The following TERT variants were observed in gnomAD, a reference collection of about 807,000 sequenced individuals.
TERT encodes the protein telomerase reverse transcriptase, also known as telomerase catalytic subunit.
A neutral mutation model predicts 104.0 loss-of-function variants in TERT; 42 were observed. The ratio of observed to expected loss-of-function variants is 0.40; its 90% CI spans 0.32 to 0.52. The LOEUF is 0.52. TERT is among the 20% of genes least tolerant of loss of function. The probability of loss-of-function intolerance (pLI) is 0.43; values close to 1 mark genes in which losing one functional copy is unlikely to be tolerated. For missense variants in TERT, 1,101 were observed against 1,610.3 expected, an observed-to-expected ratio of 0.68 and a Z score of 5.41; for synonymous variants, 781 against 725.6, an observed-to-expected ratio of 1.08 and a Z score of -1.23.
At position 1,294,685 on chromosome 5, in the gene TERT, G is replaced by C; in HGVS notation, c.220-19C>G. On this transcript the variant is annotated intron_variant, in intron 1 of 15. Transcript: ENST00000310581. ...AGGACACCTGCGGGGGAAGCGCCCT[G>C]AGTCGCCTGCGCTGCTCTCCGCATG... 2 of 1,589,534 alleles carry C rather than the reference G, an allele frequency of 1.3e-6. No individual in the cohort carries two copies. The highest frequency in any genetic ancestry group is 8.5e-7 in the Non-Finnish European group (1 of 1,176,236).
In TERT at chr5:1,280,244, G is replaced by A. The variant is rs1579577192; in HGVS notation, c.1864C>T (p.Arg622Cys). 3.1e-6 allele frequency: 5 copies of A among 1,613,888 alleles called. No homozygotes were observed. Among genetic ancestry groups the A allele is most frequent in the Non-Finnish European group, 4.2e-6 (5 of 1,180,038 alleles). Residue 622 changes from arginine (R) to cysteine (C), a missense_variant, in exon 4 of 16, where the codon CGC (arginine) becomes TGC (cysteine). Around this residue, in one of 5 missense-constraint regions of TERT, gnomAD observed 463 missense variants for 797.5 expected, o/e 0.58. Coordinates refer to ENST00000310581, the MANE Select transcript of TERT (RefSeq NM_198253.3). ...ARPALLTSRL[R>C]FIPKPDGLRP... The stretch of plus-strand genomic sequence containing the variant: ...AGCCCGTCAGGCTTGGGGATGAAGC[G>A]GAGTCTGGACGTCAGCAGGGCGGGC...
rs1362391924 is a variant in TERT, at chr5:1,263,688, G to T, written c.2843+716C>A. The stretch of plus-strand genomic sequence containing the variant: ...CCCAAAGTGCTGGGATTATAGGTGT[G>T]AGCCACCTTGCCCTGCCTGGAATGT... On this transcript the variant is annotated intron_variant, in intron 11 of 15. Transcript: ENST00000310581. The surrounding 1 kb of genome is among the most constrained non-coding windows in gnomAD (Gnocchi z 5.3). 6.6e-6 allele frequency among the ~76,000 whole-genome samples: 1 copy of T among 152,224 alleles called. No individual in the cohort carries two copies. The highest frequency in any genetic ancestry group is 1.5e-5 in the Non-Finnish European group (1 of 68,032).
Position 1,293,303 on chromosome 5 carries a change from ACCT to A in TERT, c.1573+7_1573+9del. 6.2e-7 allele frequency: 1 copy of A among 1,612,254 alleles called. No homozygotes were observed. The highest frequency in any genetic ancestry group is 1.1e-5 in the South Asian group (1 of 90,904). ...GGGGCCTGGGCCCTCGACGGCCACC[ACCT>A]CCTCACCTGGGCTCCTGCGCAGCCA... On this transcript the variant is annotated splice_region_variant and intron_variant, in intron 2 of 15. Transcript: ENST00000310581.
intron 15 of TERT, among the ~76,000 whole-genome samples, 178 bp from the exon 16 acceptor site, chr5:1,254,009 G>C (rs538611607): frequency 4.7e-4 from 71 of 152,340 alleles, no homozygotes; most frequent in Middle Eastern, 3.4e-3. Context: ...GCAGCCCAGT[G>C]ACGCTGGAGC....
At chr5:1,267,552 C>G (rs369917824) in intron 9 of TERT, among the ~76,000 whole-genome samples, 1 of 152,220 alleles carries the variant, frequency 6.6e-6, no homozygotes, top group Non-Finnish European at 1.5e-5. Context: ...TATTGCGGCA[C>G]TATTCACAGT....
At chr5:1,271,291 T>C (rs1749016165) in intron 7 of TERT, 87 bp from the exon 8 acceptor site, 1 of 936,148 alleles carries the variant, frequency 1.1e-6, no homozygotes, top group Non-Finnish European at 1.7e-6. Flanking sequence ...TCCGTCCCTT[T>C]TGGGGTCAGT....
At chr5:1,277,563 A>C (rs1190770063) in intron 6 of TERT, among the ~76,000 whole-genome samples, 1 of 110,096 alleles carries the variant, frequency 9.1e-6, no homozygotes, top group Non-Finnish European at 1.8e-5. Flanking sequence ...GGTCGGAACG[A>C]GGGTCACGGT....
rs1749784037 is a variant in TERT, at chr5:1,278,674, G to A, written c.2253C>T (p.Ala751=). 1.2e-6 allele frequency: 2 copies of A among 1,614,152 alleles called. No homozygotes were observed. Among genetic ancestry groups the A allele is most frequent in the Non-Finnish European group, 1.7e-6 (2 of 1,180,044 alleles). ...VRRYAVVQKA[A]HGHVRKAFKS... Reference sequence around the variant, plus strand: ...TGAAGGCCTTGCGGACGTGCCCATGGGCGGCCTTCTGGACCACGGCATACC... The same window carrying A: ...TGAAGGCCTTGCGGACGTGCCCATGAGCGGCCTTCTGGACCACGGCATACC... The change falls in exon 6 of 16, where the codon GCC becomes GCT. Residue 751 remains alanine, a synonymous_variant. Transcript: ENST00000310581.
chr5:1,288,340 C>A lies in TERT; in HGVS notation c.1573+4973G>T, dbSNP rs1750616479. On this transcript the variant is annotated intron_variant, in intron 2 of 15. Coordinates refer to ENST00000310581, the MANE Select transcript of TERT (RefSeq NM_198253.3). This position sits in a 1 kb window ranked among gnomAD's most constrained non-coding sequence, Gnocchi z 5.3. Reference sequence around the variant, plus strand: ...GCTAGAAAAGGAATGAAAGAATAAACCAAGAAAAAGCATACAATGGAGAGA... The same window carrying A: ...GCTAGAAAAGGAATGAAAGAATAAAACAAGAAAAAGCATACAATGGAGAGA... Among the ~76,000 whole-genome samples, 1 of 152,090 alleles carries A rather than the reference C, an allele frequency of 6.6e-6. No individual in the cohort carries two copies. Among genetic ancestry groups the A allele is most frequent in the Non-Finnish European group, 1.5e-5 (1 of 68,022 alleles).
intron 2 of TERT, among the ~76,000 whole-genome samples, chr5:1,291,893 C>T (rs1467584071): frequency 4.6e-5 from 7 of 152,218 alleles, no homozygotes; most frequent in Non-Finnish European, 8.8e-5. Flanking sequence ...GAAGCTGGAG[C>T]ACAAAAAGCA....
At position 1,288,192 on chromosome 5, in the gene TERT, G is replaced by C. The variant is rs958430791; in HGVS notation, c.1573+5121C>G. ...CACAGAATAAGAATACTTAAAAGAA[G>C]TATTAACACTTTGAAGTATTTTAAG... On this transcript the variant is annotated intron_variant, in intron 2 of 15. Transcript: ENST00000310581. The surrounding 1 kb of genome is among the most constrained non-coding windows in gnomAD (Gnocchi z 5.3). 2.0e-5 allele frequency among the ~76,000 whole-genome samples: 3 copies of C among 152,064 alleles called. No homozygotes were observed. The highest frequency in any genetic ancestry group is 7.2e-5 in the African/African-American group (3 of 41,386).
In TERT at chr5:1,294,167, C is replaced by A. The variant is rs751231538; in HGVS notation, c.719G>T (p.Arg240Leu). Reference sequence around the variant, plus strand: ...CCGCTCCGGCTCAGGGGCAGCGCCACGCCTGGGCCTCTTGGGCAACGGCAG... The same window carrying A: ...CCGCTCCGGCTCAGGGGCAGCGCCAAGCCTGGGCCTCTTGGGCAACGGCAG... The part of the protein sequence containing the change: ...RSLPLPKRPR[R>L]GAAPEPERTP... The change falls in exon 2 of 16, where the codon CGT becomes CTT. Residue 240 changes from arginine (R) to leucine (L), a missense_variant. This residue lies in a region of TERT where 504 missense variants were observed against 544.6 expected (regional missense o/e 0.93). Coordinates refer to ENST00000310581, the MANE Select transcript of TERT (RefSeq NM_198253.3). The A allele has an allele frequency of 1.9e-6, 3 of 1,581,460 alleles. No homozygotes were observed. The highest frequency in any genetic ancestry group is 2.6e-6 in the Non-Finnish European group (3 of 1,167,170).
In TERT at chr5:1,287,684, G is replaced by A. The variant is rs62332584; in HGVS notation, c.1574-5060C>T. On this transcript the variant is annotated intron_variant, in intron 2 of 15. Coordinates refer to ENST00000310581, the MANE Select transcript of TERT (RefSeq NM_198253.3). The surrounding 1 kb of genome is among the most constrained non-coding windows in gnomAD (Gnocchi z 4.3). The stretch of plus-strand genomic sequence containing the variant: ...ATCAGGAAGATAAAAATTCTACCAC[G>A]TGCATGCACCTAACAATGCCTCACA... Among the ~76,000 whole-genome samples, 3 of 151,842 alleles carry A rather than the reference G, an allele frequency of 2.0e-5. No homozygotes were observed. Among genetic ancestry groups the A allele is most frequent in the Admixed American group, 6.6e-5 (1 of 15,236 alleles).
At position 1,279,348 on chromosome 5, in the gene TERT, G is replaced by A. The variant is rs1205368239; in HGVS notation, c.2073C>T (p.Arg691=). Residue 691 remains arginine (R), a synonymous_variant, in exon 5 of 16, where the codon CGC becomes CGT. Coordinates refer to ENST00000310581, the MANE Select transcript of TERT (RefSeq NM_198253.3). ...GGGCCCGCACACGCAGCACGAAGGT[G>A]CGCCAGGCCCTGTGGATATCGTCCA... ...LGLDDIHRAW[R]TFVLRVRAQD... is the part of the protein sequence containing the mutation. 2 of 1,582,494 alleles carry A rather than the reference G, an allele frequency of 1.3e-6. No homozygotes were observed. The highest frequency in any genetic ancestry group is 1.3e-5 in the African/African-American group (1 of 74,214).
chr5:1,278,706 C>G lies in TERT; in HGVS notation c.2221G>C (p.Val741Leu). The change falls in exon 6 of 16, where the codon GTG becomes CTG. Residue 741 changes from valine (V) to leucine (L), a missense_variant. Physicochemically the swap from Val to Leu is conservative, Grantham distance 32 (BLOSUM62 1). Around this residue, in one of 5 missense-constraint regions of TERT, gnomAD observed 463 missense variants for 797.5 expected, o/e 0.58. Coordinates refer to ENST00000310581, the MANE Select transcript of TERT (RefSeq NM_198253.3). ...SIIKPQNTYC[V>L]RRYAVVQKAA... ...TTCTGGACCACGGCATACCGACGCA[C>G]GCAGTACGTGTTCTGGGGTTTGATG... 2 of 1,614,184 alleles carry G rather than the reference C, an allele frequency of 1.2e-6. No individual in the cohort carries two copies. The highest frequency in any genetic ancestry group is 1.7e-6 in the Non-Finnish European group (2 of 1,180,052).
chr5:1,291,578 G>A (rs71575555), intron 2 of TERT, among the ~76,000 whole-genome samples: 490 of 9,320 alleles, frequency 0.053, 15 homozygotes, highest in East Asian at 0.082. Flanking sequence ...CACTCACCCT[G>A]CACGTGACAG....
intron 6 of TERT, among the ~76,000 whole-genome samples, chr5:1,272,554 C>T (rs1317386033): frequency 5.0e-5 from 6 of 120,186 alleles, no homozygotes; most frequent in South Asian, 5.8e-4. Flanking sequence ...TCAGACCCCA[C>T]GACCGCCATC....
At chr5:1,258,324 T>C (rs567841053) in intron 13 of TERT, among the ~76,000 whole-genome samples, 1 of 152,358 alleles carries the variant, frequency 6.6e-6, no homozygotes, top group Admixed American at 6.5e-5. Flanking sequence ...CCTGCTGCCC[T>C]GGGATGGCCT....
rs2126614626 is a variant in TERT, at chr5:1,271,190, A to G, written c.2397T>C (p.Asn799=). ...CGTCGAAGAGGCCACTGCTGGCCTCATTCAGGGAGGAGCTCTGCGAAAGCA... is the reference window on the plus strand; with the variant it reads ...CGTCGAAGAGGCCACTGCTGGCCTCGTTCAGGGAGGAGCTCTGCGAAAGCA... ...AVVIEQSSSL[N]EASSGLFDVF... is the part of the protein sequence containing the mutation. Residue 799 remains asparagine (N), a synonymous_variant, in exon 8 of 16, where the codon AAT becomes AAC. Transcript: ENST00000310581. 6.2e-7 allele frequency: 1 copy of G among 1,612,858 alleles called. No individual in the cohort carries two copies. The highest frequency in any genetic ancestry group is 1.1e-5 in the South Asian group (1 of 91,070).
Sources: gnomAD v4.1 joint callset for allele counts (sites outside exome capture counted in the v4.1 genomes callset) on GRCh38, gnomAD v4.1.1 for gene constraint, gnomAD v4.1.1 regional missense constraint, Gnocchi (gnomAD v3.1) non-coding constraint, MANE v1.5 for transcripts, NCBI Gene and HGNC (gene_info 2026-07-23, HGNC 2026-07-21) for gene names.